Variants in TSPAN10 observed in about 807,000 individuals in gnomAD.
TSPAN10 encodes the protein tetraspanin 10, also known as tetraspanin-10.
TSPAN10 carries 11 observed loss-of-function variants against 15.0 expected under a neutral mutation model. The ratio of observed to expected loss-of-function variants is 0.73; its 90% CI spans 0.46 to 1.21. TSPAN10 has a LOEUF of 1.21. TSPAN10 is among the 50% of genes most tolerant of loss of function. The pLI is 0.00. For missense variants in TSPAN10, 486 were observed against 470.6 expected, an observed-to-expected ratio of 1.03 and a Z score of -0.30; for synonymous variants, 241 against 226.2, an observed-to-expected ratio of 1.07 and a Z score of -0.59.
At chr17:81,640,194 G>T (rs1489083042), upstream of TSPAN10, among the ~76,000 whole-genome samples, 1 of 152,000 alleles carries the variant, frequency 6.6e-6, no homozygotes, top group Admixed American at 6.6e-5. Context: ...ATGTTGCCCA[G>T]GCTGGTCTCT....
At chr17:81,648,349 GC>G (rs2144389297), downstream of TSPAN10, 1 of 1,194,426 alleles carries the variant, frequency 8.4e-7, no homozygotes. Flanking sequence ...GGGCGCCTCC[GC>G]CCGGCTAAAA....
rs183262449 is a variant in TSPAN10, at chr17:81,645,450, C to G, written c.495C>G (p.Ala165=). Reference sequence around the variant, plus strand: ...TCCTTGCCTTCCTGGTGCTTGAGGCCGTGGCGGGGGCCCTGGTGGTGGCCC... The same window carrying G: ...TCCTTGCCTTCCTGGTGCTTGAGGCGGTGGCGGGGGCCCTGGTGGTGGCCC... The change falls in exon 2 of 3, where the codon GCC becomes GCG. Residue 165 remains alanine, a synonymous_variant. Coordinates refer to ENST00000611590, the Ensembl canonical transcript of TSPAN10. 3.1e-6 allele frequency: 5 copies of G among 1,595,656 alleles called. No individual in the cohort carries two copies. The East Asian group carries it at 9.1e-5, about 29-fold the overall frequency.
chr17:81,643,683 T>C (rs1568179023), intron 1 of TSPAN10, among the ~76,000 whole-genome samples: 1 of 151,488 alleles, frequency 6.6e-6, no homozygotes, highest in Non-Finnish European at 1.5e-5. Context: ...CTCAGGAGGC[T>C]GAGGAGGAAG....
At chr17:81,645,306 C>T (rs1391548111) in exon 2 of TSPAN10, 7 of 1,545,508 alleles carry the variant, frequency 4.5e-6, no homozygotes, top group Non-Finnish European at 4.3e-6. Context: ...GGCCCCTGCC[C>T]GCAGACCCCA....
chr17:81,639,854 C>G (rs892003156), upstream of TSPAN10, among the ~76,000 whole-genome samples: 1 of 151,984 alleles, frequency 6.6e-6, no homozygotes, highest in Non-Finnish European at 1.5e-5. Flanking sequence ...GTGGCGGGTG[C>G]CTGTAGTCCC....
At chr17:81,639,506 TG>T (rs1305690646), upstream of TSPAN10, among the ~76,000 whole-genome samples, 7 of 151,964 alleles carry the variant, frequency 4.6e-5, no homozygotes, top group African/African-American at 1.7e-4. Context: ...ATGCCCGGCC[TG>T]GAATTACTTC....
chr17:81,642,560 C>A, intron 1 of TSPAN10, 112 bp downstream of exon 2: 1 of 1,096,486 alleles, frequency 9.1e-7, no homozygotes, highest in Non-Finnish European at 1.3e-6. Context: ...GGTGCCACCC[C>A]ACACCTCAAT....
chr17:81,645,299 C>A, exon 2 of TSPAN10: 1 of 1,539,778 alleles, frequency 6.5e-7, no homozygotes, highest in Non-Finnish European at 8.7e-7. Flanking sequence ...CTGGGGGGGC[C>A]CCTGCCCGCA....
chr17:81,641,637 C>T (rs938567093), upstream of TSPAN10, among the ~76,000 whole-genome samples: 3 of 151,822 alleles, frequency 2.0e-5, no homozygotes, highest in African/African-American at 4.8e-5. Flanking sequence ...TGGCTGAGTC[C>T]GGGCACAGTG....
At chr17:81,637,238 T>C (rs62074750) in exon 1 of TSPAN10, 3 of 493,148 alleles carry the variant, frequency 6.1e-6, no homozygotes, top group African/African-American at 6.0e-5. Context: ...TTTTGGAAAG[T>C]TGCGTCTGAG....
At chr17:81,645,054 A>G in exon 2 of TSPAN10, 1 of 1,593,226 alleles carries the variant, frequency 6.3e-7, no homozygotes, top group Non-Finnish European at 8.6e-7. Context: ...GCCTAGGTCC[A>G]GTGCCCAGGG....
In TSPAN10 at chr17:81,644,769, A is replaced by T. The variant is rs922955358; in HGVS notation, c.37-223A>T. Reference sequence around the variant, plus strand: ...TGTTCTAAAGGTGGGGTCCCACCAGAGCTGGGACCCTCACTGCCCCTTCTG... The same window carrying T: ...TGTTCTAAAGGTGGGGTCCCACCAGTGCTGGGACCCTCACTGCCCCTTCTG... On this transcript the variant is annotated intron_variant, in intron 1 of 2. Coordinates refer to ENST00000611590, the Ensembl canonical transcript of TSPAN10. Among the ~76,000 whole-genome samples, 7 of 152,308 alleles carry T rather than the reference A, an allele frequency of 4.6e-5. No individual in the cohort carries two copies. In the East Asian group the frequency reaches 9.7e-4, roughly 21 times the overall value.
At chr17:81,639,841 G>A (rs889782211), upstream of TSPAN10, among the ~76,000 whole-genome samples, 10 of 151,988 alleles carry the variant, frequency 6.6e-5, no homozygotes, top group African/African-American at 1.7e-4. Flanking sequence ...TTAGCCGGGC[G>A]TGGTGGCGGG....
At chr17:81,644,952 G>T (rs377126051) in intron 1 of TSPAN10, 40 bp from the exon 3 acceptor site, 9 of 1,604,042 alleles carry the variant, frequency 5.6e-6, no homozygotes, top group Non-Finnish European at 7.6e-6. Flanking sequence ...CACAGAGTCT[G>T]GGTGAATGCG....
At chr17:81,643,875 G>A (rs1251814579) in intron 1 of TSPAN10, among the ~76,000 whole-genome samples, 1 of 152,080 alleles carries the variant, frequency 6.6e-6, no homozygotes, top group African/African-American at 2.4e-5. Flanking sequence ...CTGGAGTGCA[G>A]TCACGCGATC....
exon 3 of TSPAN10, chr17:81,648,273 T>G (rs2036287367): frequency 8.2e-7 from 1 of 1,213,124 alleles, no homozygotes; most frequent in Non-Finnish European, 1.0e-6. Context: ...CCCCGCCCGC[T>G]GCCAAGCCCG....
rs1598711592 is a variant in TSPAN10, at chr17:81,645,758, T to C, written c.674+129T>C. The stretch of plus-strand genomic sequence containing the variant: ...GCATGCCCACATGCATGCACACGTA[T>C]ACCCACATGTACACGCATATCCACA... On this transcript the variant is annotated intron_variant, in intron 2 of 2. Transcript: ENST00000611590. 16 of 1,188,560 alleles carry C rather than the reference T, an allele frequency of 1.3e-5. No homozygotes were observed. The East Asian group carries it at 4.0e-4, about 30-fold the overall frequency. The allele number at this position is 1,188,560 out of a possible 1,614,324, so 73.6% of individuals were successfully genotyped here. A position where few individuals can be genotyped will look rare whatever the true frequency, so the allele number is the denominator to read the frequency against.
At chr17:81,645,724 C>T in intron 2 of TSPAN10, 95 bp downstream of exon 3, 1 of 1,471,870 alleles carries the variant, frequency 6.8e-7, no homozygotes, top group African/African-American at 1.4e-5. Flanking sequence ...CACGTACATA[C>T]TCATTCGTGC....
chr17:81,637,704 C>A, upstream of TSPAN10: 1 of 234,612 alleles, frequency 4.3e-6, no homozygotes, highest in East Asian at 1.1e-4. Flanking sequence ...GAGGCCGAGG[C>A]AGGTGGATCA....
Sources: gnomAD v4.1 joint callset for allele counts (sites outside exome capture counted in the v4.1 genomes callset) on GRCh38, gnomAD v4.1.1 for gene constraint, MANE v1.5 for transcripts, NCBI Gene and HGNC (gene_info 2026-07-23, HGNC 2026-07-21) for gene names.